Variants in CUX1 observed in about 807,000 individuals in gnomAD.
CUX1 encodes the protein cut like homeobox 1.
Under a neutral mutation model 158.8 loss-of-function variants are expected in CUX1, and 31 were observed. That is an observed-to-expected ratio of 0.20 (90% confidence interval 0.15 to 0.26). The LOEUF (loss-of-function observed/expected upper bound fraction) is 0.26, where lower values mean the gene tolerates loss of function less well. Ranked by LOEUF, CUX1 falls within the 10% of genes least tolerant of loss-of-function variation. The pLI, the probability that CUX1 is intolerant of heterozygous loss-of-function variation, is 1.00. For missense variants in CUX1, 1,589 were observed against 2,014.6 expected (o/e 0.79, Z 4.04); for synonymous variants, 879 against 862.1 (o/e 1.02, Z -0.34).
intron 2 of CUX1, among the ~76,000 whole-genome samples, chr7:102,020,234 G>T (rs917157710): frequency 6.6e-6 from 1 of 152,178 alleles, no homozygotes; most frequent in Non-Finnish European, 1.5e-5. Context: ...CTATCACAAG[G>T]ACTGGAAGGA....
intron 14 of CUX1, among the ~76,000 whole-genome samples, chr7:102,269,026 T>C (rs1250882735): frequency 2.0e-5 from 3 of 151,556 alleles, no homozygotes; most frequent in Non-Finnish European, 4.4e-5. Context: ...AACCTCTGCC[T>C]CCTGGGCTCA....
At chr7:101,873,682 C>G (rs941031586) in intron 1 of CUX1, among the ~76,000 whole-genome samples, 1 of 152,184 alleles carries the variant, frequency 6.6e-6, no homozygotes, top group Admixed American at 6.5e-5. Flanking sequence ...TTCCCGAGTT[C>G]AAGCGATTCT....
At chr7:101,887,842 CATTTTTTTT>C (rs1800396732) in intron 1 of CUX1, among the ~76,000 whole-genome samples, 6 of 135,058 alleles carry the variant, frequency 4.4e-5, no homozygotes, top group Non-Finnish European at 4.8e-5. Flanking sequence ...ATGACGGTGA[CATTTTTTTT>C]TTTTTTTTTT....
chr7:102,007,525 A>G (rs1457369471), intron 2 of CUX1, among the ~76,000 whole-genome samples: 1 of 151,260 alleles, frequency 6.6e-6, no homozygotes, highest in Non-Finnish European at 1.5e-5. Flanking sequence ...ATTTCTCATC[A>G]TCTTCACCAC....
rs966058148 is a variant in CUX1 at position 102,252,803 on chromosome 7, C to T, written c.*3761C>T. 9.1e-6 allele frequency: 9 copies of T among 985,370 alleles called. No homozygotes were observed. The South Asian group carries it at 2.3e-4, about 26-fold the overall frequency. The allele number at this position is 985,370 out of a possible 1,614,324, so 61.0% of individuals were successfully genotyped here. ...AGTGAAGACATCTGTGGTTTCTGCT[C>T]ACCAGACCTCTCTTTAGAAAGGGTT... On this transcript the variant is annotated 3_prime_UTR_variant, in exon 24 of 24. Transcript: ENST00000292535.
rs536177120 is a variant in CUX1 at position 102,084,719 on chromosome 7, G to A, written c.269-12645G>A. Among the ~76,000 whole-genome samples the A allele has an allele frequency of 1.4e-4, 16 of 117,108 alleles. 4 individuals carry two copies. The South Asian group carries it at 1.9e-3, about 14-fold the overall frequency. The allele number at this position is 117,108 out of a possible 152,430, so 76.8% of individuals were successfully genotyped here. A position where few individuals can be genotyped will look rare whatever the true frequency, so the allele number is the denominator to read the frequency against. ...ATTACAGGTGTGAGCCAACGCACCC[G>A]GCCACAATATATACTTTATTGATGT... On this transcript the variant is annotated intron_variant, in intron 4 of 23. Coordinates refer to ENST00000292535, the MANE Select transcript of CUX1 (RefSeq NM_181552.4).
chr7:102,040,120 AGG>A (rs1332729703), intron 3 of CUX1, among the ~76,000 whole-genome samples: 2 of 152,178 alleles, frequency 1.3e-5, no homozygotes, highest in Non-Finnish European at 2.9e-5. Context: ...ACAGTCAACT[AGG>A]ATCCTGCTAT....
intron 3 of CUX1, among the ~76,000 whole-genome samples, chr7:102,038,434 GGTCA>G: frequency 6.6e-6 from 1 of 152,318 alleles, no homozygotes; most frequent in East Asian, 1.9e-4. Context: ...ACATTGGAAT[GGTCA>G]GTAGCTATAT....
chr7:102,177,915 CAG>C (rs1350289379), intron 10 of CUX1, among the ~76,000 whole-genome samples: 2 of 151,890 alleles, frequency 1.3e-5, no homozygotes, highest in Admixed American at 6.6e-5. Context: ...TTTTTTGAGA[CAG>C]AGTCTCATTC....
intron 21 of CUX1, among the ~76,000 whole-genome samples, chr7:102,282,524 G>A (rs552693205): frequency 6.6e-6 from 1 of 152,270 alleles, no homozygotes; most frequent in South Asian, 2.1e-4. Context: ...TAGAGGAGGT[G>A]CCTCCGTGTC....
intron 1 of CUX1, among the ~76,000 whole-genome samples, chr7:101,824,979 T>C (rs1793095259): frequency 6.6e-6 from 1 of 152,166 alleles, no homozygotes; most frequent in African/African-American, 2.4e-5. Flanking sequence ...TTATTTTCTG[T>C]TTTTCACCAA....
intron 4 of CUX1, among the ~76,000 whole-genome samples, chr7:102,079,679 A>T (rs535855720): frequency 2.0e-5 from 3 of 152,162 alleles, no homozygotes; most frequent in African/African-American, 7.2e-5. Flanking sequence ...AGCAGGAGAC[A>T]TGCGGGATCC....
chr7:102,088,451 G>A (rs778424538), intron 4 of CUX1, among the ~76,000 whole-genome samples: 1 of 151,946 alleles, frequency 6.6e-6, no homozygotes, highest in Non-Finnish European at 1.5e-5. Context: ...TGGCCAATAT[G>A]GTTAAAGCCC....
intron 1 of CUX1, among the ~76,000 whole-genome samples, chr7:101,878,711 C>T (rs997039773): frequency 4.6e-5 from 7 of 151,832 alleles, no homozygotes; most frequent in Non-Finnish European, 7.4e-5. Flanking sequence ...GTTTCACTGT[C>T]GCCGAGGCTG....
At chr7:102,170,387 T>C in intron 9 of CUX1, 59 bp from the exon 10 acceptor site, 1 of 1,182,822 alleles carries the variant, frequency 8.5e-7, no homozygotes, top group South Asian at 1.4e-5. Flanking sequence ...GTTCTTGTAA[T>C]AATTGTCAGT....
At chr7:101,895,913 T>TTTTTG (rs1562975187) in intron 1 of CUX1, among the ~76,000 whole-genome samples, 24 of 121,754 alleles carry the variant, frequency 2.0e-4, no homozygotes, top group African/African-American at 6.8e-4. Flanking sequence ...TTTTTGTTTT[T>TTTTTG]TTTTTTTTTT....
At chr7:102,170,309 TCCTAGCA>T (rs1554510019) in intron 9 of CUX1, 130 bp from the exon 10 acceptor site, 16 of 634,972 alleles carry the variant, frequency 2.5e-5, no homozygotes, top group Admixed American at 9.4e-5. Context: ...GTGTTTTTTT[TCCTAGCA>T]TTTATTAGGT....
intron 1 of CUX1, among the ~76,000 whole-genome samples, chr7:101,883,576 C>A (rs111605552): frequency 1.6e-4 from 22 of 140,908 alleles, no homozygotes; most frequent in African/African-American, 5.3e-4. Flanking sequence ...ATTTTTTTTT[C>A]TTTTTCTTTA....
At chr7:101,939,058 C>CATAT (rs58303224) in intron 2 of CUX1, among the ~76,000 whole-genome samples, 29 of 52,662 alleles carry the variant, frequency 5.5e-4, no homozygotes, top group East Asian at 1.4e-3. Flanking sequence ...AAAAAAAATA[C>CATAT]ATATATATAT....
Sources: gnomAD v4.1 joint callset for allele counts (sites outside exome capture counted in the v4.1 genomes callset) on GRCh38, gnomAD v4.1.1 for gene constraint, MANE v1.5 for transcripts, NCBI Gene and HGNC (gene_info 2026-07-23, HGNC 2026-07-21) for gene names.